MKLN1: variants seen among roughly 807,000 people sequenced by gnomAD.
MKLN1 encodes the protein muskelin 1, also known as muskelin.
A neutral mutation model predicts 99.0 loss-of-function variants in MKLN1; 18 were observed. The ratio of observed to expected loss-of-function variants is 0.18; its 90% confidence interval spans 0.13 to 0.27. The LOEUF is 0.27. MKLN1 is among the 10% of genes least tolerant of loss of function. The pLI, the probability that MKLN1 is intolerant of heterozygous loss-of-function variation, is 1.00. For synonymous variants in MKLN1, 288 were observed against 293.2 expected (o/e 0.98, Z 0.18); for missense variants, 621 against 875.9 (o/e 0.71, Z 3.67).
intron 9 of MKLN1, 77 bp downstream of exon 9, chr7:131,429,222 T>A: frequency 3.2e-6 from 3 of 950,776 alleles, no homozygotes; most frequent in Non-Finnish European, 4.8e-6. Flanking sequence ...CATGATTATA[T>A]TCTTCACTAA....
chr7:131,141,995 G>T (rs996642680), intron 1 of MKLN1, among the ~76,000 whole-genome samples: 1 of 152,096 alleles, frequency 6.6e-6, no homozygotes, highest in African/African-American at 2.4e-5. Context: ...TTAAATTTCC[G>T]GCTGGGTGTG....
intron 17 of MKLN1, among the ~76,000 whole-genome samples, chr7:131,479,343 C>T (rs1797054520): frequency 6.6e-6 from 1 of 151,968 alleles, no homozygotes; most frequent in African/African-American, 2.4e-5. Flanking sequence ...GCCTGGGCAA[C>T]ATAGTAAGAC....
chr7:131,233,546 A>G (rs1221527815), intron 3 of MKLN1, among the ~76,000 whole-genome samples: 1 of 151,910 alleles, frequency 6.6e-6, no homozygotes, highest in East Asian at 1.9e-4. Context: ...AGTCTGGGGA[A>G]GAAATGAAAA....
intron 1 of MKLN1, among the ~76,000 whole-genome samples, chr7:131,130,973 T>A (rs1795540320): frequency 6.8e-6 from 1 of 146,658 alleles, no homozygotes; most frequent in South Asian, 2.2e-4. Context: ...GATTGCTTGA[T>A]TCCAGGAAGT....
intron 2 of MKLN1, among the ~76,000 whole-genome samples, chr7:131,150,754 A>G (rs185408162): frequency 1.3e-5 from 2 of 152,164 alleles, no homozygotes; most frequent in Admixed American, 6.5e-5. Flanking sequence ...ATTTCTCTTT[A>G]AAGTCTACAT....
intron 9 of MKLN1, among the ~76,000 whole-genome samples, chr7:131,436,064 T>G (rs147987902): frequency 5.3e-5 from 8 of 152,320 alleles, no homozygotes; most frequent in Admixed American, 5.2e-4. Context: ...AGATTATTTA[T>G]GGAGGCAATC....
At chr7:131,346,356 T>C (rs2116745452) in intron 1 of MKLN1, among the ~76,000 whole-genome samples, 1 of 152,214 alleles carries the variant, frequency 6.6e-6, no homozygotes, top group South Asian at 2.1e-4. Context: ...AACCTGTCTC[T>C]GCTAAAAATA....
intron 9 of MKLN1, among the ~76,000 whole-genome samples, chr7:131,431,729 AT>A (rs1365958661): frequency 6.6e-6 from 1 of 152,192 alleles, no homozygotes; most frequent in Non-Finnish European, 1.5e-5. Context: ...TAATAAAACA[AT>A]TTATTTATCT....
chr7:131,356,153 G>C (rs1036170863), intron 1 of MKLN1, among the ~76,000 whole-genome samples: 1 of 150,300 alleles, frequency 6.7e-6, no homozygotes, highest in African/African-American at 2.5e-5. Flanking sequence ...TTGAGAAACC[G>C]GCAGCTTGAC....
intron 6 of MKLN1, 103 bp downstream of exon 6, chr7:131,399,536 T>G: frequency 1.0e-6 from 1 of 996,178 alleles, no homozygotes; most frequent in Non-Finnish European, 1.5e-6. Context: ...TAATTTTTTT[T>G]CTTGGTTTTT....
chr7:131,244,817 T>C (rs1190693897), intron 3 of MKLN1, among the ~76,000 whole-genome samples: 1 of 152,122 alleles, frequency 6.6e-6, no homozygotes, highest in African/African-American at 2.4e-5. Context: ...TCTTTCCCTC[T>C]TCATCCGCCC....
chr7:131,419,855 A>G (rs989328584), intron 8 of MKLN1, among the ~76,000 whole-genome samples: 9 of 152,204 alleles, frequency 5.9e-5, no homozygotes, highest in Non-Finnish European at 1.2e-4. Context: ...GACTTTGTTT[A>G]GGACTTTAAC....
chr7:131,237,631 A>C (rs1797343425), intron 3 of MKLN1, among the ~76,000 whole-genome samples: 1 of 152,190 alleles, frequency 6.6e-6, no homozygotes. Context: ...CAATTGGTCC[A>C]TCAAGGGCTG....
At chr7:131,154,350 G>A (rs557177490) in intron 2 of MKLN1, among the ~76,000 whole-genome samples, 102 of 152,232 alleles carry the variant, frequency 6.7e-4, no homozygotes, top group African/African-American at 2.4e-3. Context: ...CCAAAGTGCC[G>A]AGATTACAGG....
chr7:131,122,300 T>C (rs1458059517), intron 1 of MKLN1, among the ~76,000 whole-genome samples: 1 of 152,230 alleles, frequency 6.6e-6, no homozygotes, highest in African/African-American at 2.4e-5. Context: ...AAACCCAGCT[T>C]GATCTTAGGA....
At chr7:131,238,522 TAGAATGC>T (rs1448872374) in intron 3 of MKLN1, among the ~76,000 whole-genome samples, 2 of 152,174 alleles carry the variant, frequency 1.3e-5, no homozygotes, top group Non-Finnish European at 2.9e-5. Flanking sequence ...ACCAGTAATG[TAGAATGC>T]CAAGGAAGAG....
chr7:131,329,570 G>A (rs1328403452), intron 1 of MKLN1, among the ~76,000 whole-genome samples: 2 of 152,174 alleles, frequency 1.3e-5, no homozygotes, highest in Non-Finnish European at 2.9e-5. Flanking sequence ...GGCATTGTTT[G>A]ATCTAACTGT....
In MKLN1 at chr7:131,434,482, T is replaced by C. The variant is rs559005441; in HGVS notation, c.961-3303T>C. Among the ~76,000 whole-genome samples the C allele has an allele frequency of 2.7e-4, 41 of 152,354 alleles. 1 individual carries two copies. In the South Asian group the frequency reaches 8.1e-3, roughly 30 times the overall value. ...TACTTATTTCTAATAGCTTCTTTTT[T>C]ATTTCTTAGAGTATTTTAAAGAAGC... On this transcript the variant is annotated intron_variant, in intron 9 of 17. Coordinates refer to ENST00000352689, the MANE Select transcript of MKLN1 (RefSeq NM_013255.5).
rs748056728 is a variant in MKLN1, at chr7:131,494,766, T to C, written c.*7038T>C. The stretch of plus-strand genomic sequence containing the variant: ...CTTATTCTTTAAGCCGGCTTACTTT[T>C]TGGATTTGTGTGAAATGTCTTTTGA... On this transcript the variant is annotated 3_prime_UTR_variant, in exon 18 of 18. Transcript: ENST00000352689. 2 of 152,204 alleles carry C rather than the reference T, an allele frequency of 1.3e-5. No individual in the cohort carries two copies. Among genetic ancestry groups the C allele is most frequent in the Non-Finnish European group, 2.9e-5 (2 of 68,034 alleles). The allele number at this position is 152,204 out of a possible 1,614,324, so 9.4% of individuals were successfully genotyped here.
Sources: gnomAD v4.1 joint callset for allele counts (sites outside exome capture counted in the v4.1 genomes callset) on GRCh38, gnomAD v4.1.1 for gene constraint, MANE v1.5 for transcripts, NCBI Gene and HGNC (gene_info 2026-07-23, HGNC 2026-07-21) for gene names.